THRB: variants seen among roughly 807,000 people sequenced by gnomAD.
THRB encodes the protein thyroid hormone receptor beta.
Under a neutral mutation model 47.8 loss-of-function variants are expected in THRB, and 12 were observed. The observed-to-expected ratio is 0.25, with a 90% CI of 0.16 to 0.41. THRB has a LOEUF of 0.41. Among genes scored for constraint, THRB ranks in the 10% least tolerant of loss-of-function variants. The probability of loss-of-function intolerance (pLI) is 1.00; values close to 1 mark genes in which losing one functional copy is unlikely to be tolerated. For missense variants in THRB, 348 were observed against 589.2 expected, an observed-to-expected ratio of 0.59 and a Z score of 4.24; for synonymous variants, 218 against 212.2, an observed-to-expected ratio of 1.03 and a Z score of -0.24.
chr3:24,429,156 A>G (rs2070103497), intron 1 of THRB, among the ~76,000 whole-genome samples: 1 of 151,706 alleles, frequency 6.6e-6, no homozygotes, highest in Non-Finnish European at 1.5e-5. Flanking sequence ...TACTATTAAA[A>G]GAAAATTATG....
intron 3 of THRB, among the ~76,000 whole-genome samples, chr3:24,262,104 T>C (rs569924373): frequency 9.9e-4 from 151 of 152,324 alleles, no homozygotes; most frequent in Middle Eastern, 6.8e-3. Flanking sequence ...TTAATAAACT[T>C]GATATGTCCA....
chr3:24,334,610 C>G (rs2062124061), intron 2 of THRB, among the ~76,000 whole-genome samples: 1 of 152,206 alleles, frequency 6.6e-6, no homozygotes. Flanking sequence ...GGAGAGCCAA[C>G]AACAACCAAT....
intron 4 of THRB, among the ~76,000 whole-genome samples, chr3:24,223,228 T>G (rs2047334853): frequency 2.0e-5 from 3 of 152,194 alleles, no homozygotes. Context: ...GTGTGAGTGT[T>G]TGGTGCACAA....
intron 1 of THRB, among the ~76,000 whole-genome samples, chr3:24,343,286 C>G (rs1336272303): frequency 6.6e-6 from 1 of 151,982 alleles, no homozygotes; most frequent in Non-Finnish European, 1.5e-5. Context: ...GACCTCTGAC[C>G]CCATCAAAAC....
chr3:24,326,659 T>C (rs2061610653), intron 2 of THRB, among the ~76,000 whole-genome samples: 1 of 151,970 alleles, frequency 6.6e-6, no homozygotes, highest in Non-Finnish European at 1.5e-5. Context: ...CAAAGGGAGC[T>C]AGTAAATAGT....
At chr3:24,253,009 C>G (rs994785291) in intron 3 of THRB, among the ~76,000 whole-genome samples, 1 of 151,782 alleles carries the variant, frequency 6.6e-6, no homozygotes, top group Non-Finnish European at 1.5e-5. Flanking sequence ...GATTTGGTAT[C>G]TATTCAAAAA....
In THRB at chr3:24,122,603, T is replaced by G. The variant is rs1290711630; in HGVS notation, c.*281A>C. 8.6e-6 allele frequency: 4 copies of G among 466,270 alleles called. No individual in the cohort carries two copies. The highest frequency in any genetic ancestry group is 1.2e-5 in the Non-Finnish European group (3 of 253,274). 28.9% of individuals were successfully genotyped at this position (466,270 alleles called of 1,614,324 possible). A position where few individuals can be genotyped will look rare whatever the true frequency, so the allele number is the denominator to read the frequency against. Reference sequence around the variant, plus strand: ...TGGACCAGGGACGGGTGGGAGCTGGTGATGCTTGGTGCTGGTGAGTTAATG... The same window carrying G: ...TGGACCAGGGACGGGTGGGAGCTGGGGATGCTTGGTGCTGGTGAGTTAATG... On this transcript the variant is annotated 3_prime_UTR_variant, in exon 11 of 11. Transcript: ENST00000646209.
At chr3:24,483,071 TTAA>T (rs1381764255) in intron 1 of THRB, among the ~76,000 whole-genome samples, 2 of 152,246 alleles carry the variant, frequency 1.3e-5, no homozygotes, top group East Asian at 1.9e-4. Context: ...CTTAAAATAT[TTAA>T]TAATAAAATA....
chr3:24,185,278 A>T (rs1397623986), intron 5 of THRB, among the ~76,000 whole-genome samples: 2 of 152,254 alleles, frequency 1.3e-5, no homozygotes, highest in African/African-American at 4.8e-5. Context: ...ATTGCTAGGC[A>T]TTAAAAGCTG....
chr3:24,300,840 A>G (rs752225623), intron 2 of THRB, among the ~76,000 whole-genome samples: 5 of 152,238 alleles, frequency 3.3e-5, no homozygotes, highest in Non-Finnish European at 5.9e-5. Flanking sequence ...GGGGTATCTC[A>G]TTGTAGTGAC....
At chr3:24,465,551 C>A (rs533413272) in intron 1 of THRB, among the ~76,000 whole-genome samples, 1 of 152,104 alleles carries the variant, frequency 6.6e-6, no homozygotes, top group Non-Finnish European at 1.5e-5. Flanking sequence ...TACAGGCATG[C>A]ACCACCATGA....
chr3:24,308,797 A>T (rs569658894), intron 2 of THRB, among the ~76,000 whole-genome samples: 42 of 152,232 alleles, frequency 2.8e-4, no homozygotes, highest in African/African-American at 1.0e-3. Flanking sequence ...TGAATTGGAA[A>T]TTTTCTAGGT....
intron 4 of THRB, among the ~76,000 whole-genome samples, chr3:24,210,088 T>C (rs2045864639): frequency 6.6e-6 from 1 of 152,212 alleles, no homozygotes; most frequent in Admixed American, 6.5e-5. Flanking sequence ...TTCATTGTTA[T>C]ATTCACTTAG....
intron 4 of THRB, among the ~76,000 whole-genome samples, chr3:24,197,798 A>G (rs1352816393): frequency 1.3e-5 from 2 of 152,262 alleles, no homozygotes; most frequent in African/African-American, 2.4e-5. Context: ...CAGCTCAGCC[A>G]TCAACAGATA....
chr3:24,381,975 T>C (rs910572962), intron 1 of THRB, among the ~76,000 whole-genome samples: 1 of 150,502 alleles, frequency 6.6e-6, no homozygotes, highest in Non-Finnish European at 1.5e-5. Context: ...TCAAAGCATA[T>C]AGGAAAGAGG....
intron 1 of THRB, among the ~76,000 whole-genome samples, chr3:24,342,006 A>G (rs746161355): frequency 4.0e-4 from 61 of 152,160 alleles, no homozygotes; most frequent in Non-Finnish European, 8.1e-4. Flanking sequence ...GACTGGCAGA[A>G]TCACCCAGCC....
At chr3:24,228,653 G>A (rs1406966189) in intron 4 of THRB, among the ~76,000 whole-genome samples, 11 of 147,554 alleles carry the variant, frequency 7.5e-5, no homozygotes, top group South Asian at 2.2e-4. Context: ...AAAAAAAAAA[G>A]GAAAAAAAAG....
chr3:24,203,401 T>C (rs1332304582), intron 4 of THRB, among the ~76,000 whole-genome samples: 1 of 152,092 alleles, frequency 6.6e-6, no homozygotes, highest in East Asian at 1.9e-4. Flanking sequence ...GGACCTTGTC[T>C]CAAAATTTTA....
At chr3:24,457,998 G>A (rs977604639) in intron 1 of THRB, 2 of 152,142 alleles carry the variant, frequency 1.3e-5, no homozygotes, top group African/African-American at 2.4e-5. Context: ...GTTAAATGAA[G>A]ATTCTGGTCC....
Sources: gnomAD v4.1 joint callset for allele counts (sites outside exome capture counted in the v4.1 genomes callset) on GRCh38, gnomAD v4.1.1 for gene constraint, MANE v1.5 for transcripts, NCBI Gene and HGNC (gene_info 2026-07-23, HGNC 2026-07-21) for gene names.